The following NEDD4L variants were observed in gnomAD, a reference collection of about 807,000 sequenced individuals.
NEDD4L encodes E3 ubiquitin-protein ligase NEDD4-like.
In NEDD4L, 54 loss-of-function variants were observed where a neutral mutation model predicts 148.9. The ratio of observed to expected loss-of-function variants is 0.36; its 90% CI spans 0.29 to 0.45. The LOEUF (loss-of-function observed/expected upper bound fraction) is 0.45. NEDD4L is among the 20% of genes least tolerant of loss of function. The pLI, the probability that NEDD4L is intolerant of heterozygous loss-of-function variation, is 1.00. For synonymous variants in NEDD4L, 433 were observed against 440.7 expected, an observed-to-expected ratio of 0.98 and a Z score of 0.22; for missense variants, 856 against 1,233.8, an observed-to-expected ratio of 0.69 and a Z score of 4.59.
intron 2 of NEDD4L, among the ~76,000 whole-genome samples, chr18:58,229,543 T>C (rs1051954823): frequency 5.9e-5 from 9 of 152,238 alleles, no homozygotes; most frequent in African/African-American, 2.2e-4. Context: ...TTGTCATTGC[T>C]CTTTAATATT....
chr18:58,200,169 A>G (rs1016845019), intron 2 of NEDD4L, among the ~76,000 whole-genome samples: 9 of 152,244 alleles, frequency 5.9e-5, no homozygotes, highest in African/African-American at 2.2e-4. Flanking sequence ...TGGCTCTTTT[A>G]AAAATGTGCC....
At chr18:58,067,441 G>A (rs561804188) in intron 1 of NEDD4L, among the ~76,000 whole-genome samples, 7 of 152,280 alleles carry the variant, frequency 4.6e-5, no homozygotes, top group African/African-American at 1.7e-4. Context: ...GGTTATCAGG[G>A]AATGAGCTAA....
chr18:58,081,515 G>A (rs2083435243), intron 1 of NEDD4L, among the ~76,000 whole-genome samples: 1 of 151,966 alleles, frequency 6.6e-6, no homozygotes, highest in Admixed American at 6.6e-5. Flanking sequence ...GCACCCAGCT[G>A]GAACACCACC....
chr18:58,260,971 A>G (rs2148656656), intron 5 of NEDD4L, among the ~76,000 whole-genome samples: 1 of 152,338 alleles, frequency 6.6e-6, no homozygotes, highest in South Asian at 2.1e-4. Context: ...GGTTTAAATG[A>G]AAGTGTCCAT....
intron 2 of NEDD4L, among the ~76,000 whole-genome samples, chr18:58,202,359 A>G (rs2041510807): frequency 6.6e-6 from 1 of 152,226 alleles, no homozygotes; most frequent in Non-Finnish European, 1.5e-5. Flanking sequence ...GTCCTCCAGG[A>G]CAGTGCTTGC....
intron 2 of NEDD4L, chr18:58,195,753 C>T (rs777463999): frequency 1.5e-6 from 2 of 1,330,050 alleles, no homozygotes; most frequent in Non-Finnish European, 2.0e-6. Flanking sequence ...ACCGAAGGTT[C>T]CGTTCCCTTT....
chr18:58,116,908 A>G (rs2085880059), intron 1 of NEDD4L, among the ~76,000 whole-genome samples: 1 of 152,204 alleles, frequency 6.6e-6, no homozygotes, highest in Admixed American at 6.5e-5. Context: ...TCTTTACCCA[A>G]ACTCCTGCCA....
At position 58,399,660 on chromosome 18, in the gene NEDD4L, G is replaced by C. The variant is rs919971331; in HGVS notation, c.*3391G>C. The C allele has an allele frequency of 6.6e-6, 1 of 152,182 alleles. No homozygotes were observed. Among genetic ancestry groups the C allele is most frequent in the Non-Finnish European group, 1.5e-5 (1 of 68,080 alleles). The allele number at this position is 152,182 out of a possible 1,614,324, so 9.4% of individuals were successfully genotyped here. A position where few individuals can be genotyped will look rare whatever the true frequency, so the allele number is the denominator to read the frequency against. ...CCACCACCACGCCTGGCTAATTTTT[G>C]TATTTTTAGTAGAGATGGTTTCACC... On this transcript the variant is annotated 3_prime_UTR_variant, in exon 31 of 31. Coordinates refer to ENST00000400345, the MANE Select transcript of NEDD4L (RefSeq NM_001144967.3).
intron 9 of NEDD4L, 78 bp from the exon 10 acceptor site, chr18:58,328,917 C>A (rs951316764): frequency 1.3e-6 from 2 of 1,552,554 alleles, no homozygotes; most frequent in East Asian, 2.3e-5. Flanking sequence ...TCTGGCCCTC[C>A]GTGAGCATTG....
At position 58,256,677 on chromosome 18, in the gene NEDD4L, A is replaced by G. The variant is rs1245649051; in HGVS notation, c.297+4623A>G. On this transcript the variant is annotated intron_variant, in intron 5 of 30. Coordinates refer to ENST00000400345, the MANE Select transcript of NEDD4L (RefSeq NM_001144967.3). The surrounding 1 kb of genome is among the most constrained non-coding windows in gnomAD (Gnocchi z 5.2). ...CAGGATCAGAACGCGGGGCAGCAGC[A>G]TTTTAGAATTCTTGTAACCCGGGGG... is the stretch of plus-strand genomic sequence containing the variant. The G allele has an allele frequency of 6.5e-6, 8 of 1,232,048 alleles. No individual in the cohort carries two copies. The Admixed American group carries it at 1.3e-4, about 19-fold the overall frequency. 76.3% of individuals were successfully genotyped at this position (1,232,048 alleles called of 1,614,324 possible).
chr18:58,200,108 C>T (rs111729832), intron 2 of NEDD4L, among the ~76,000 whole-genome samples: 1 of 152,204 alleles, frequency 6.6e-6, no homozygotes, highest in African/African-American at 2.4e-5. Context: ...TAGGCTGCTG[C>T]AAAGGTATGT....
intron 1 of NEDD4L, among the ~76,000 whole-genome samples, chr18:58,153,778 C>T (rs2035099932): frequency 6.6e-6 from 1 of 151,988 alleles, no homozygotes; most frequent in Admixed American, 6.6e-5. Flanking sequence ...TCCTGAGTAG[C>T]TGGGAGTACA....
At chr18:58,141,416 C>A (rs777523264) in intron 1 of NEDD4L, among the ~76,000 whole-genome samples, 1 of 152,210 alleles carries the variant, frequency 6.6e-6, no homozygotes, top group Admixed American at 6.5e-5. Context: ...AAACAAAATT[C>A]CTTTAATCAC....
At chr18:58,274,465 T>A (rs7243899) in intron 5 of NEDD4L, among the ~76,000 whole-genome samples, 64,589 of 151,982 alleles carry the variant, frequency 0.42, 14,486 homozygotes, top group African/African-American at 0.57. Flanking sequence ...CATGCACAGG[T>A]TGTGTAGACC....
At chr18:58,217,246 A>C (rs947519879) in intron 2 of NEDD4L, among the ~76,000 whole-genome samples, 2 of 152,200 alleles carry the variant, frequency 1.3e-5, no homozygotes, top group African/African-American at 4.8e-5. Context: ...GTTATCACCA[A>C]ACCTTGCCTG....
chr18:58,389,139 A>T lies in NEDD4L; in HGVS notation c.2602A>T (p.Ile868Phe). Residue 868 changes from isoleucine (I) to phenylalanine (F), a missense_variant, in exon 28 of 31, where the codon ATT (isoleucine) becomes TTT (phenylalanine). Ile to Phe is a conservative substitution (Grantham distance 21). Transcript: ENST00000400345. Reference protein sequence around the residue: ...VDVNDWRQHSIYKNGYCPNHP... With the variant: ...VDVNDWRQHSFYKNGYCPNHP... ...TGTGAATGACTGGAGACAGCATTCT[A>T]TTTACAAGAACGGCTACTGCCCAAA... 6.2e-7 allele frequency: 1 copy of T among 1,613,876 alleles called. No individual in the cohort carries two copies. The highest frequency in any genetic ancestry group is 1.1e-5 in the South Asian group (1 of 91,064).
intron 1 of NEDD4L, chr18:58,149,698 A>G (rs2034477225): frequency 1.5e-6 from 1 of 683,878 alleles, no homozygotes; most frequent in East Asian, 2.8e-5. Context: ...CATCTTTAAC[A>G]TAATTGACCT....
At chr18:58,161,439 T>C (rs915663627) in intron 1 of NEDD4L, among the ~76,000 whole-genome samples, 15 of 47,122 alleles carry the variant, frequency 3.2e-4, no homozygotes, top group African/African-American at 7.4e-4. Flanking sequence ...CTTTTTCTTT[T>C]TTTTTTTTTT....
At chr18:58,270,229 G>C (rs576440404) in intron 5 of NEDD4L, among the ~76,000 whole-genome samples, 1 of 152,314 alleles carries the variant, frequency 6.6e-6, no homozygotes, top group Admixed American at 6.5e-5. Context: ...TCAGAGAAGT[G>C]GGTAATAGGT....
Sources: allele counts gnomAD v4.1 joint callset (sites outside exome capture counted in the v4.1 genomes callset), GRCh38; gene constraint gnomAD v4.1.1; non-coding constraint Gnocchi (gnomAD v3.1); transcripts MANE v1.5; gene names NCBI Gene and HGNC (gene_info 2026-07-23, HGNC 2026-07-21).